ATF7IP: variants seen among roughly 807,000 people sequenced by gnomAD.
ATF7IP encodes the protein activating transcription factor 7-interacting protein 1.
A neutral mutation model predicts 106.4 loss-of-function variants in ATF7IP; 23 were observed. That is an observed-to-expected ratio of 0.22 (90% CI 0.16 to 0.31). The LOEUF (loss-of-function observed/expected upper bound fraction) is 0.31. Ranked by LOEUF, ATF7IP falls within the 10% of genes least tolerant of loss-of-function variation. The probability of loss-of-function intolerance (pLI) is 1.00; values close to 1 mark genes in which losing one functional copy is unlikely to be tolerated. For synonymous variants in ATF7IP, 542 were observed against 539.0 expected, an observed-to-expected ratio of 1.01 and a Z score of -0.08; for missense variants, 1,334 against 1,524.3, an observed-to-expected ratio of 0.88 and a Z score of 2.08.
intron 1 of ATF7IP, among the ~76,000 whole-genome samples, chr12:14,374,165 A>G (rs1456899889): frequency 1.3e-5 from 2 of 150,160 alleles, no homozygotes; most frequent in South Asian, 2.1e-4. Flanking sequence ...TGGTGTGATC[A>G]TGGCTCACTG....
intron 8 of ATF7IP, among the ~76,000 whole-genome samples, chr12:14,458,764 T>G (rs1031797728): frequency 6.6e-6 from 1 of 151,846 alleles, no homozygotes; most frequent in African/African-American, 2.4e-5. Flanking sequence ...TGTAGGCTGC[T>G]GTGAGCCAAG....
chr12:14,481,165 G>A lies in ATF7IP; in HGVS notation c.3260G>A (p.Arg1087Gln). ...RGTVMQAPAV[R>Q]QVNPQNSVTV... ...ACTGTTATGCAGGCTCCTGCTGTTC[G>A]GCAGGTCAATCCCCAAAATAGTAAG... is the stretch of plus-strand genomic sequence containing the variant. The change falls in exon 13 of 15, where the codon CGG becomes CAG. Residue 1087 changes from arginine (R) to glutamine (Q), a missense_variant. This residue lies in a region of ATF7IP where 370 missense variants were observed against 401.2 expected (regional missense o/e 0.92). Transcript: ENST00000261168. 2 of 1,613,746 alleles carry A rather than the reference G, an allele frequency of 1.2e-6. No individual in the cohort carries two copies. Among genetic ancestry groups the A allele is most frequent in the Non-Finnish European group, 1.7e-6 (2 of 1,179,936 alleles).
intron 1 of ATF7IP, among the ~76,000 whole-genome samples, chr12:14,406,837 C>T (rs930948280): frequency 6.6e-6 from 1 of 151,956 alleles, no homozygotes; most frequent in Non-Finnish European, 1.5e-5. Context: ...TGTGATCCAC[C>T]CACCTCAGCC....
chr12:14,474,494 A>G (rs1591942770), intron 10 of ATF7IP, among the ~76,000 whole-genome samples: 1 of 150,524 alleles, frequency 6.6e-6, no homozygotes, highest in African/African-American at 2.5e-5. Context: ...TCCGCCTCCC[A>G]GGTTCAAGCG....
intron 1 of ATF7IP, among the ~76,000 whole-genome samples, chr12:14,389,388 TAGG>T (rs1333996585): frequency 6.6e-6 from 1 of 152,090 alleles, no homozygotes; most frequent in Non-Finnish European, 1.5e-5. Context: ...TTTAGAGGAG[TAGG>T]AGAAGTGTTT....
chr12:14,366,297 A>T (rs1938292125), intron 1 of ATF7IP, among the ~76,000 whole-genome samples: 1 of 152,188 alleles, frequency 6.6e-6, no homozygotes, highest in African/African-American at 2.4e-5. Flanking sequence ...TTCAGTTTTA[A>T]AGTATTACTG....
chr12:14,366,875 C>T (rs1051115483), intron 1 of ATF7IP, among the ~76,000 whole-genome samples: 4 of 152,044 alleles, frequency 2.6e-5, no homozygotes, highest in African/African-American at 7.2e-5. Flanking sequence ...GTACTGTATG[C>T]ATGTGTGTAA....
intron 13 of ATF7IP, among the ~76,000 whole-genome samples, chr12:14,487,106 G>A (rs890995923): frequency 7.0e-6 from 1 of 143,328 alleles, no homozygotes; most frequent in South Asian, 2.2e-4. Flanking sequence ...AACTAACCAA[G>A]CAAATAATCT....
At chr12:14,468,335 A>G (rs1318530148) in intron 10 of ATF7IP, among the ~76,000 whole-genome samples, 1 of 151,696 alleles carries the variant, frequency 6.6e-6, no homozygotes, top group Non-Finnish European at 1.5e-5. Context: ...TGAAATTAAA[A>G]TGGATATAAT....
At chr12:14,464,375 A>G (rs1318731121) in intron 9 of ATF7IP, among the ~76,000 whole-genome samples, 1 of 152,184 alleles carries the variant, frequency 6.6e-6, no homozygotes, top group Admixed American at 6.5e-5. Flanking sequence ...TATTTCTTCA[A>G]CCATTTCTTC....
chr12:14,386,481 A>G (rs527812983), intron 1 of ATF7IP, among the ~76,000 whole-genome samples: 8 of 152,266 alleles, frequency 5.3e-5, no homozygotes, highest in Admixed American at 3.3e-4. Flanking sequence ...GACATAGAAC[A>G]GTAAGTTCTA....
chr12:14,443,567 G>A (rs953968540), intron 5 of ATF7IP, among the ~76,000 whole-genome samples: 1 of 152,102 alleles, frequency 6.6e-6, no homozygotes. Context: ...AAAAACAGGA[G>A]GTAAATACCT....
At chr12:14,487,406 G>A (rs1944658372) in intron 13 of ATF7IP, among the ~76,000 whole-genome samples, 1 of 152,162 alleles carries the variant, frequency 6.6e-6, no homozygotes, top group Non-Finnish European at 1.5e-5. Flanking sequence ...AGCAAAGAGA[G>A]GTGTTTGGAG....
At chr12:14,495,937 C>T (rs1216533306) in intron 13 of ATF7IP, among the ~76,000 whole-genome samples, 1 of 152,084 alleles carries the variant, frequency 6.6e-6, no homozygotes, top group Non-Finnish European at 1.5e-5. Flanking sequence ...GCTTGTGTCT[C>T]GTGTTTTTCT....
chr12:14,409,222 G>A (rs940446434), intron 1 of ATF7IP, among the ~76,000 whole-genome samples: 2 of 151,808 alleles, frequency 1.3e-5, no homozygotes, highest in African/African-American at 4.8e-5. Flanking sequence ...TTTCTAAAAG[G>A]ATACCTTCAG....
At chr12:14,403,270 A>G (rs1169571874) in intron 1 of ATF7IP, among the ~76,000 whole-genome samples, 3 of 152,200 alleles carry the variant, frequency 2.0e-5, no homozygotes, top group African/African-American at 7.2e-5. Flanking sequence ...ATTGTCAATA[A>G]ATTTCCTAAT....
At chr12:14,476,051 A>T (rs1944253096) in intron 11 of ATF7IP, 83 bp downstream of exon 11, 2 of 960,542 alleles carry the variant, frequency 2.1e-6, no homozygotes, top group Non-Finnish European at 3.3e-6. Context: ...ACAAAGACAG[A>T]TGTTTATGGC....
At chr12:14,468,125 G>C (rs1185302767) in intron 10 of ATF7IP, among the ~76,000 whole-genome samples, 1 of 151,778 alleles carries the variant, frequency 6.6e-6, no homozygotes. Flanking sequence ...AAATTTGCCT[G>C]GTGTGGTGAC....
intron 2 of ATF7IP, among the ~76,000 whole-genome samples, chr12:14,429,226 C>T (rs1012258090): frequency 5.9e-5 from 9 of 152,186 alleles, no homozygotes; most frequent in African/African-American, 1.2e-4. Context: ...TTATTAAATC[C>T]GGGGACATCT....
Sources: gnomAD v4.1 joint callset for allele counts (sites outside exome capture counted in the v4.1 genomes callset) on GRCh38, gnomAD v4.1.1 for gene constraint, gnomAD v4.1.1 regional missense constraint, MANE v1.5 for transcripts, NCBI Gene and HGNC (gene_info 2026-07-23, HGNC 2026-07-21) for gene names.